Variants in DYNC2H1 observed in about 807,000 individuals in gnomAD.
DYNC2H1 encodes the protein dynein cytoplasmic 2 heavy chain 1, also known as cytoplasmic dynein 2 heavy chain 1.
Under a neutral mutation model 570.0 loss-of-function variants are expected in DYNC2H1, and 410 were observed. That is an observed-to-expected ratio of 0.72 (90% CI 0.66 to 0.78). The LOEUF (loss-of-function observed/expected upper bound fraction) is 0.78, where lower values mean the gene tolerates loss of function less well. Ranked by LOEUF, DYNC2H1 falls within the 30% of genes least tolerant of loss-of-function variation. The probability of loss-of-function intolerance (pLI) is 0.00; values close to 1 mark genes in which losing one functional copy is unlikely to be tolerated. For missense variants in DYNC2H1, 4,865 were observed against 5,046.4 expected (o/e 0.96, Z 1.09); for synonymous variants, 1,688 against 1,677.6 (o/e 1.01, Z -0.15).
In DYNC2H1 at chr11:103,239,194, C is replaced by CA. The variant is rs1266406339; in HGVS notation, c.9819+2658dup. Among the ~76,000 whole-genome samples the CA allele has an allele frequency of 6.6e-6, 1 of 152,010 alleles. No individual in the cohort carries two copies. Among genetic ancestry groups the CA allele is most frequent in the East Asian group, 1.9e-4 (1 of 5,198 alleles). ...TTTATTGTTATAGACAGTTCAGTGT[C>CA]AAATTGGTTTTAACCACTCAAAATT... On this transcript the variant is annotated intron_variant, in intron 63 of 88. Coordinates refer to ENST00000375735, the MANE Select transcript of DYNC2H1 (RefSeq NM_001377.3). The surrounding 1 kb of genome is among the most constrained non-coding windows in gnomAD (Gnocchi z 4.3).
intron 83 of DYNC2H1, among the ~76,000 whole-genome samples, chr11:103,393,145 A>C (rs1157287651): frequency 6.6e-6 from 1 of 152,214 alleles, no homozygotes; most frequent in Non-Finnish European, 1.5e-5. Context: ...CAGCCTCCCA[A>C]AGTGCTGGGA....
intron 1 of DYNC2H1, among the ~76,000 whole-genome samples, chr11:103,112,459 G>A (rs1591253657): frequency 6.6e-6 from 1 of 152,190 alleles, no homozygotes; most frequent in South Asian, 2.1e-4. Context: ...CAGGCAACAA[G>A]GGCTCCATTA....
chr11:103,216,899 T>C (rs1286169080), intron 55 of DYNC2H1, among the ~76,000 whole-genome samples: 3 of 152,220 alleles, frequency 2.0e-5, no homozygotes, highest in Admixed American at 2.0e-4. Flanking sequence ...CTTTCCTGTA[T>C]TTCTTTCCTC....
chr11:103,313,651 C>A (rs886925491), intron 79 of DYNC2H1, among the ~76,000 whole-genome samples: 21 of 152,198 alleles, frequency 1.4e-4, no homozygotes, highest in African/African-American at 5.1e-4. Flanking sequence ...TGTTTTAACC[C>A]CCAAAAGCGT....
chr11:103,350,281 CAG>C (rs1383275214), intron 82 of DYNC2H1, among the ~76,000 whole-genome samples: 1 of 152,018 alleles, frequency 6.6e-6, no homozygotes, highest in Non-Finnish European at 1.5e-5. Flanking sequence ...ATTTCAAAAA[CAG>C]AAGATACATA....
At position 103,312,155 on chromosome 11, in the gene DYNC2H1, C is replaced by T. The variant is rs553854664; in HGVS notation, c.11649+122C>T. The T allele has an allele frequency of 2.6e-4, 258 of 995,028 alleles. 1 individual carries two copies. The highest frequency in any genetic ancestry group is 2.1e-3 in the South Asian group (109 of 51,650). The allele number at this position is 995,028 out of a possible 1,614,324, so 61.6% of individuals were successfully genotyped here. ...CAGTACTGTGGGAGGCCAAGGTGGGCGGATCACCTGAGGTCCGGAGTTTGA... is the reference window on the plus strand; with the variant it reads ...CAGTACTGTGGGAGGCCAAGGTGGGTGGATCACCTGAGGTCCGGAGTTTGA... On this transcript the variant is annotated intron_variant, in intron 79 of 88. Coordinates refer to ENST00000375735, the MANE Select transcript of DYNC2H1 (RefSeq NM_001377.3).
At chr11:103,246,103 A>G (rs752174419) in intron 65 of DYNC2H1, among the ~76,000 whole-genome samples, 25 of 152,190 alleles carry the variant, frequency 1.6e-4, no homozygotes, top group Non-Finnish European at 3.1e-4. Context: ...ATGTTATGAG[A>G]ACTCAAGTAG....
chr11:103,223,892 C>T (rs1490212114), intron 59 of DYNC2H1, among the ~76,000 whole-genome samples: 1 of 151,728 alleles, frequency 6.6e-6, no homozygotes, highest in Non-Finnish European at 1.5e-5. Context: ...GGATTACAGG[C>T]ATGTGCCACC....
At chr11:103,251,816 G>C (rs773902008) in intron 65 of DYNC2H1, among the ~76,000 whole-genome samples, 1 of 152,082 alleles carries the variant, frequency 6.6e-6, no homozygotes, top group Non-Finnish European at 1.5e-5. Flanking sequence ...TGTTTTCCAG[G>C]TTTATACATG....
chr11:103,477,780 G>A lies in DYNC2H1; in HGVS notation c.12766-1315G>A, dbSNP rs546313964. On this transcript the variant is annotated intron_variant, in intron 88 of 88. Transcript: ENST00000375735. ...CGGGAGGTGGAGCTTGCAGTGAGCC[G>A]AAATTACGCCACTGCACTCCAGCCG... is the stretch of plus-strand genomic sequence containing the variant. Among the ~76,000 whole-genome samples, 30 of 120,834 alleles carry A rather than the reference G, an allele frequency of 2.5e-4. No individual in the cohort carries two copies. In the South Asian group the frequency reaches 7.5e-3, roughly 30 times the overall value. The allele number at this position is 120,834 out of a possible 152,430, so 79.3% of individuals were successfully genotyped here. A position where few individuals can be genotyped will look rare whatever the true frequency, so the allele number is the denominator to read the frequency against.
At chr11:103,412,264 G>A (rs1030228546) in intron 84 of DYNC2H1, among the ~76,000 whole-genome samples, 10 of 152,076 alleles carry the variant, frequency 6.6e-5, no homozygotes, top group African/African-American at 1.4e-4. Flanking sequence ...TGTGTGACAC[G>A]ATTGGAGTAG....
chr11:103,235,574 G>A, intron 61 of DYNC2H1, 98 bp from the exon 62 acceptor site: 1 of 1,174,910 alleles, frequency 8.5e-7, no homozygotes. Flanking sequence ...TATTACCTGT[G>A]ATTTTCCCCC....
chr11:103,360,691 A>AT (rs1010780316), intron 83 of DYNC2H1, among the ~76,000 whole-genome samples: 1 of 152,176 alleles, frequency 6.6e-6, no homozygotes. Flanking sequence ...TGTTTCAGTG[A>AT]TTTTTATGCT....
In DYNC2H1 at chr11:103,125,198, G is replaced by T. The variant is rs1238414767; in HGVS notation, c.1760G>T (p.Arg587Leu). The change falls in exon 12 of 89, where the codon CGT (arginine) becomes CTT (leucine). Residue 587 changes from arginine to leucine, a missense_variant. Arg to Leu is a moderately radical substitution (Grantham distance 102). Transcript: ENST00000375735. The stretch of plus-strand genomic sequence containing the variant: ...TTGGTGATTCTTCTGAGAGAAGTTC[G>T]TCAGCTCTCTGCACTTGGCTTTGTT... ...DRLVILLREV[R>L]QLSALGFVIP... 6.2e-7 allele frequency: 1 copy of T among 1,613,502 alleles called. No homozygotes were observed.
At position 103,120,756 on chromosome 11, in the gene DYNC2H1, GA is replaced by G; in HGVS notation, c.1206del (p.Lys402AsnfsTer2). ...GCACCTGCGGAACAAAAAATAGCAGGAAAATTGAAAAATTATATTTCAGAAA... is the reference window on the plus strand; with the variant it reads ...GCACCTGCGGAACAAAAAATAGCAGGAAATTGAAAAATTATATTTCAGAAA... Reference protein sequence around the residue: ...IIAPAEQKIAGKLKNYISEIQ... With the variant: ...IIAPAEQKIAXKLKNYISEIQ... On this transcript the variant is annotated frameshift_variant, in exon 8 of 89. Transcript: ENST00000375735. LOFTEE classifies it high-confidence loss of function. The G allele has an allele frequency of 6.3e-7, 1 of 1,590,180 alleles. No homozygotes were observed. Among genetic ancestry groups the G allele is most frequent in the Non-Finnish European group, 8.6e-7 (1 of 1,167,002 alleles).
At chr11:103,122,270 C>T (rs1044008236) in intron 10 of DYNC2H1, among the ~76,000 whole-genome samples, 2 of 152,096 alleles carry the variant, frequency 1.3e-5, no homozygotes, top group African/African-American at 4.8e-5. Flanking sequence ...CCAGCATGTT[C>T]GACATTTCTG....
intron 57 of DYNC2H1, among the ~76,000 whole-genome samples, chr11:103,221,409 GT>G (rs1863582903): frequency 1.3e-5 from 2 of 152,316 alleles, no homozygotes; most frequent in South Asian, 4.1e-4. Flanking sequence ...CTTAAAAGGA[GT>G]CAGACAATTT....
At chr11:103,125,732 G>A (rs1273607005) in intron 12 of DYNC2H1, among the ~76,000 whole-genome samples, 1 of 152,108 alleles carries the variant, frequency 6.6e-6, no homozygotes, top group Non-Finnish European at 1.5e-5. Flanking sequence ...ACTATTATCA[G>A]CTCACAGTCT....
intron 70 of DYNC2H1, among the ~76,000 whole-genome samples, chr11:103,274,164 ATATC>A (rs998173865): frequency 6.6e-6 from 1 of 151,790 alleles, no homozygotes; most frequent in Non-Finnish European, 1.5e-5. Flanking sequence ...ACATATATAT[ATATC>A]TGTGTGTGTC....
Sources: gnomAD v4.1 joint callset for allele counts (sites outside exome capture counted in the v4.1 genomes callset) on GRCh38, gnomAD v4.1.1 for gene constraint, Gnocchi (gnomAD v3.1) non-coding constraint, MANE v1.5 for transcripts, NCBI Gene and HGNC (gene_info 2026-07-23, HGNC 2026-07-21) for gene names.